Variants in HEXIM1 observed in about 807,000 individuals in gnomAD.
HEXIM1 encodes HEXIM P-TEFb complex subunit 1.
In HEXIM1, 1 loss-of-function variant was observed where a neutral mutation model predicts 30.3. The observed-to-expected ratio is 0.03, with a 90% CI of 0.01 to 0.16. The LOEUF (loss-of-function observed/expected upper bound fraction) is 0.16, where lower values mean the gene tolerates loss of function less well. Among genes scored for constraint, HEXIM1 ranks in the 10% least tolerant of loss-of-function variants. The pLI, the probability that HEXIM1 is intolerant of heterozygous loss-of-function variation, is 1.00. For missense variants in HEXIM1, 391 were observed against 476.4 expected (o/e 0.82, Z 1.67); for synonymous variants, 245 against 208.3 (o/e 1.18, Z -1.52).
chr17:45,149,934 G>A lies in HEXIM1; in HGVS notation c.744G>A (p.Glu248=). 3 of 1,613,928 alleles carry A rather than the reference G, an allele frequency of 1.9e-6. No individual in the cohort carries two copies. The highest frequency in any genetic ancestry group is 1.6e-4 in the Middle Eastern group (1 of 6,062). ...ACTTCATGGAAGAAGGGGGTGAGGA[G>A]GATGGGGGCAGCGATGGGATGGGAG... ...DDDFMEEGGE[E]DGGSDGMGGD... The change falls in exon 1 of 1, where the codon GAG becomes GAA. Residue 248 remains glutamate, a synonymous_variant. Transcript: ENST00000332499. This position sits in a 1 kb window ranked among gnomAD's most constrained non-coding sequence, Gnocchi z 5.3.
Position 45,149,178 on chromosome 17 carries a change from G to A in HEXIM1, c.-13G>A. On this transcript the variant is annotated 5_prime_UTR_variant, in exon 1 of 1. Transcript: ENST00000332499. The surrounding 1 kb of genome is among the most constrained non-coding windows in gnomAD (Gnocchi z 5.3). ...TAGCCAAAATTTCTTAAACTTCGAGGACTCTACTAGCCATGGCCGAGCCAT... is the reference window on the plus strand; with the variant it reads ...TAGCCAAAATTTCTTAAACTTCGAGAACTCTACTAGCCATGGCCGAGCCAT... The A allele has an allele frequency of 6.4e-7, 1 of 1,561,756 alleles. No individual in the cohort carries two copies. Among genetic ancestry groups the A allele is most frequent in the South Asian group, 1.2e-5 (1 of 85,600 alleles).
Position 45,150,475 on chromosome 17 carries a change from GCTTTT to G in HEXIM1, c.*209_*213del. 1.8e-6 allele frequency: 1 copy of G among 548,226 alleles called. No individual in the cohort carries two copies. Among genetic ancestry groups the G allele is most frequent in the Non-Finnish European group, 3.2e-6 (1 of 315,904 alleles). The allele number at this position is 548,226 out of a possible 1,614,324, so 34.0% of individuals were successfully genotyped here. On this transcript the variant is annotated 3_prime_UTR_variant, in exon 1 of 1. Transcript: ENST00000332499. ...TTTAATTATGTGAAACTGAAGAGTTGCTTTTCTTGTTTTCCTTTTTAGAAGTTTTT... is the reference window on the plus strand; with the variant it reads ...TTTAATTATGTGAAACTGAAGAGTTGCTTGTTTTCCTTTTTAGAAGTTTTT...
rs578234294 is a variant in HEXIM1 at position 45,148,849 on chromosome 17, C to A, written c.-342C>A. 3 of 427,834 alleles carry A rather than the reference C, an allele frequency of 7.0e-6. No homozygotes were observed. Among genetic ancestry groups the A allele is most frequent in the African/African-American group, 2.0e-5 (1 of 48,930 alleles). The allele number at this position is 427,834 out of a possible 1,614,324, so 26.5% of individuals were successfully genotyped here. A position where few individuals can be genotyped will look rare whatever the true frequency, so the allele number is the denominator to read the frequency against. On this transcript the variant is annotated 5_prime_UTR_variant, in exon 1 of 1. Transcript: ENST00000332499. ...GGCTGGGTTTCACGCACTGGACTTA[C>A]CCTCATCACCTTGCTCACCAACTCC...
Position 45,149,416 on chromosome 17 carries a change from A to G in HEXIM1, c.226A>G (p.Thr76Ala). The G allele has an allele frequency of 6.2e-7, 1 of 1,613,202 alleles. No individual in the cohort carries two copies. The highest frequency in any genetic ancestry group is 1.3e-5 in the African/African-American group (1 of 75,026). Residue 76 changes from threonine to alanine, a missense_variant, in exon 1 of 1, where the codon ACC (threonine) becomes GCC (alanine). Physicochemically the swap from Thr to Ala is moderately conservative, Grantham distance 58. This residue lies in a region of HEXIM1 where 230 missense variants were observed against 199.4 expected (regional missense o/e 1.15). Coordinates refer to ENST00000332499, the MANE Select transcript of HEXIM1 (RefSeq NM_006460.3). The surrounding 1 kb of genome is among the most constrained non-coding windows in gnomAD (Gnocchi z 5.3). ...GGAATCCCAACCACCTCCCTTGCAG[A>G]CCCAGGCCTGTCCAGAATCTAGCTG... ...SLESQPPPLQ[T>A]QACPESSCLR...
rs1396985950 is a variant in HEXIM1, at chr17:45,149,661, G to C, written c.471G>C (p.Pro157=). The C allele has an allele frequency of 1.2e-6, 2 of 1,612,394 alleles. No individual in the cohort carries two copies. Among genetic ancestry groups the C allele is most frequent in the Admixed American group, 1.7e-5 (1 of 60,000 alleles). Residue 157 remains proline, a synonymous_variant, in exon 1 of 1, where the codon CCG becomes CCC. Coordinates refer to ENST00000332499, the MANE Select transcript of HEXIM1 (RefSeq NM_006460.3). This position sits in a 1 kb window ranked among gnomAD's most constrained non-coding sequence, Gnocchi z 5.3. ...QLGKKKHRRR[P]SKKKRHWKPY... ...GGAAGAAAAAACATAGGAGACGCCC[G>C]TCCAAGAAGAAGCGGCATTGGAAAC...
In HEXIM1 at chr17:45,151,352, T is replaced by C. The variant is rs1163411227; in HGVS notation, c.*1082T>C. ...CTTTCCATGTGGGTCAAACTAAAAT[T>C]AGAAATGTCCCCTCACTGCAGATCA... is the stretch of plus-strand genomic sequence containing the variant. On this transcript the variant is annotated 3_prime_UTR_variant, in exon 1 of 1. Transcript: ENST00000332499. The C allele has an allele frequency of 2.4e-5, 4 of 166,692 alleles. No homozygotes were observed. Among genetic ancestry groups the C allele is most frequent in the Non-Finnish European group, 5.9e-5 (4 of 68,060 alleles). The allele number at this position is 166,692 out of a possible 1,614,324, so 10.3% of individuals were successfully genotyped here.
Position 45,149,255 on chromosome 17 carries a change from C to T in HEXIM1, c.65C>T (p.Ala22Val), listed in dbSNP as rs140416514. Residue 22 changes from alanine (A) to valine (V), a missense_variant, in exon 1 of 1, where the codon GCT becomes GTT. This residue lies in a region of HEXIM1 where 230 missense variants were observed against 199.4 expected (regional missense o/e 1.15). Transcript: ENST00000332499. This position sits in a 1 kb window ranked among gnomAD's most constrained non-coding sequence, Gnocchi z 5.3. ...QPQTSNCTGA[A>V]AVQEELNPER... ...CAAACTAGCAACTGTACAGGTGCTG[C>T]TGCTGTCCAGGAAGAGCTGAACCCT... 3.5e-4 allele frequency: 566 copies of T among 1,613,904 alleles called. 3 individuals carry two copies. In the African/African-American group the frequency reaches 6.6e-3, roughly 19 times the overall value.
At position 45,149,298 on chromosome 17, in the gene HEXIM1, G is replaced by C. The variant is rs147398972; in HGVS notation, c.108G>C (p.Ala36=). ...TGAACCCTGAGCGCCCCCCAGGCGC[G>C]GAGGAGCGGGTGCCCGAGGAGGACA... ...EELNPERPPG[A]EERVPEEDSR... is the part of the protein sequence containing the mutation. The change falls in exon 1 of 1, where the codon GCG becomes GCC. Residue 36 remains alanine, a synonymous_variant. Coordinates refer to ENST00000332499, the MANE Select transcript of HEXIM1 (RefSeq NM_006460.3). The surrounding 1 kb of genome is among the most constrained non-coding windows in gnomAD (Gnocchi z 5.3). The C allele has an allele frequency of 2.0e-3, 3,238 of 1,613,758 alleles. 10 individuals are homozygous for C. The highest frequency in any genetic ancestry group is 2.5e-3 in the Non-Finnish European group (2,906 of 1,180,014).
chr17:45,149,104 T>TTC lies in HEXIM1; in HGVS notation c.-87_-86insTC, dbSNP rs2055526010. 7.9e-7 allele frequency: 1 copy of TTC among 1,258,824 alleles called. No homozygotes were observed. Among genetic ancestry groups the TTC allele is most frequent in the Non-Finnish European group, 1.1e-6 (1 of 930,244 alleles). 78.0% of individuals were successfully genotyped at this position (1,258,824 alleles called of 1,614,324 possible). On this transcript the variant is annotated 5_prime_UTR_variant, in exon 1 of 1. Coordinates refer to ENST00000332499, the MANE Select transcript of HEXIM1 (RefSeq NM_006460.3). This position sits in a 1 kb window ranked among gnomAD's most constrained non-coding sequence, Gnocchi z 5.3. ...GGACTCTGTTGGACTGTTTTTTTTT[T>TTC]CTTTTTCTTTTTTTTAAGAAAAACC...
In HEXIM1 at chr17:45,150,962, GA is replaced by G. The variant is rs1351998054; in HGVS notation, c.*695del. 1.2e-5 allele frequency: 2 copies of G among 167,026 alleles called. No homozygotes were observed. The highest frequency in any genetic ancestry group is 1.5e-5 in the Non-Finnish European group (1 of 68,112). 10.3% of individuals were successfully genotyped at this position (167,026 alleles called of 1,614,324 possible). A position where few individuals can be genotyped will look rare whatever the true frequency, so the allele number is the denominator to read the frequency against. ...CCGGTATTGAGTGTTTAGGCGAGTGGAAAGTGGCTACAATCCAAAATTTTAA... is the reference window on the plus strand; with the variant it reads ...CCGGTATTGAGTGTTTAGGCGAGTGGAAGTGGCTACAATCCAAAATTTTAA... On this transcript the variant is annotated 3_prime_UTR_variant, in exon 1 of 1. Transcript: ENST00000332499.
At position 45,150,195 on chromosome 17, in the gene HEXIM1, G is replaced by C. The variant is rs1047809248; in HGVS notation, c.1005G>C (p.Glu335Asp). Reference sequence around the variant, plus strand: ...TGGAGCTGGACCGGCTGCGCGCCGAGAACCTCCAGCTGCTGACCGAGAACG... The same window carrying C: ...TGGAGCTGGACCGGCTGCGCGCCGACAACCTCCAGCTGCTGACCGAGAACG... ...LELELDRLRAENLQLLTENEL... is the reference protein window; with the variant it reads ...LELELDRLRADNLQLLTENEL... The change falls in exon 1 of 1, where the codon GAG (glutamate) becomes GAC (aspartate). Residue 335 changes from glutamate (E) to aspartate (D), a missense_variant. By Grantham distance (45) the Glu-to-Asp change is conservative (BLOSUM62 2). Coordinates refer to ENST00000332499, the MANE Select transcript of HEXIM1 (RefSeq NM_006460.3). The C allele has an allele frequency of 1.2e-6, 2 of 1,612,834 alleles. No homozygotes were observed.
chr17:45,149,600 G>T lies in HEXIM1; in HGVS notation c.410G>T (p.Gly137Val). 1 of 1,612,180 alleles carries T rather than the reference G, an allele frequency of 6.2e-7. No individual in the cohort carries two copies. The highest frequency in any genetic ancestry group is 8.5e-7 in the Non-Finnish European group (1 of 1,179,352). Reference protein sequence around the residue: ...ASKLGAPAAGGEEEWGQQQRQ... With the variant: ...ASKLGAPAAGVEEEWGQQQRQ... ...AAGTTGGGGGCTCCTGCCGCAGGGG[G>T]CGAAGAGGAGTGGGGACAGCAGCAG... The change falls in exon 1 of 1, where the codon GGC becomes GTC. Residue 137 changes from glycine to valine, a missense_variant. Physicochemically the swap from Gly to Val is moderately radical, Grantham distance 109 (BLOSUM62 -3). Around this residue, in one of 5 missense-constraint regions of HEXIM1, gnomAD observed 230 missense variants for 199.4 expected, o/e 1.15. Coordinates refer to ENST00000332499, the MANE Select transcript of HEXIM1 (RefSeq NM_006460.3). This position sits in a 1 kb window ranked among gnomAD's most constrained non-coding sequence, Gnocchi z 5.3.
At position 45,148,825 on chromosome 17, in the gene HEXIM1, GC is replaced by G. The variant is rs1046810339; in HGVS notation, c.-365del. ...CATCGGTAGTTTTAACCCCTTCGGG[GC>G]TGGGTTTCACGCACTGGACTTACCC... On this transcript the variant is annotated 5_prime_UTR_variant, in exon 1 of 1. Coordinates refer to ENST00000332499, the MANE Select transcript of HEXIM1 (RefSeq NM_006460.3). 2.0e-5 allele frequency: 8 copies of G among 405,454 alleles called. No individual in the cohort carries two copies. Among genetic ancestry groups the G allele is most frequent in the Non-Finnish European group, 3.5e-5 (8 of 229,964 alleles). The allele number at this position is 405,454 out of a possible 1,614,324, so 25.1% of individuals were successfully genotyped here.
Position 45,148,555 on chromosome 17 carries a change from G to C in HEXIM1, c.-636G>C. On this transcript the variant is annotated 5_prime_UTR_variant, in exon 1 of 1. Coordinates refer to ENST00000332499, the MANE Select transcript of HEXIM1 (RefSeq NM_006460.3). ...ACGCGGAAGAGGAGCTGTGGGAAGG[G>C]GGAGGAGGGAGGGAGGAAAAGAGGA... 5.0e-6 allele frequency: 2 copies of C among 399,900 alleles called. No homozygotes were observed. The highest frequency in any genetic ancestry group is 3.6e-5 in the East Asian group (1 of 28,102). 24.8% of individuals were successfully genotyped at this position (399,900 alleles called of 1,614,324 possible). A position where few individuals can be genotyped will look rare whatever the true frequency, so the allele number is the denominator to read the frequency against.
chr17:45,151,626 T>G lies in HEXIM1; in HGVS notation c.*1356T>G, dbSNP rs539834194. ...CAGTCCTTCACCTGCCCTGTGTCAG[T>G]GTCTTCTGAGGGCAATTGCGTTGCT... On this transcript the variant is annotated 3_prime_UTR_variant, in exon 1 of 1. Transcript: ENST00000332499. 1.2e-5 allele frequency: 2 copies of G among 167,238 alleles called. No individual in the cohort carries two copies. Among genetic ancestry groups the G allele is most frequent in the South Asian group, 4.1e-4 (2 of 4,832 alleles). 10.4% of individuals were successfully genotyped at this position (167,238 alleles called of 1,614,324 possible). A position where few individuals can be genotyped will look rare whatever the true frequency, so the allele number is the denominator to read the frequency against.
Position 45,150,124 on chromosome 17 carries a change from A to G in HEXIM1, c.934A>G (p.Ser312Gly). 6.8e-6 allele frequency: 11 copies of G among 1,613,656 alleles called. No homozygotes were observed. The highest frequency in any genetic ancestry group is 9.3e-6 in the Non-Finnish European group (11 of 1,180,016). ...EDENNRLRLE[S>G]KRLGGDDARV... is the part of the protein sequence containing the mutation. ...CGAGAACAACCGGCTGCGGCTGGAG[A>G]GCAAGCGGCTGGGTGGCGACGACGC... The change falls in exon 1 of 1, where the codon AGC becomes GGC. Residue 312 changes from serine (S) to glycine (G), a missense_variant. Physicochemically the swap from Ser to Gly is moderately conservative, Grantham distance 56. Transcript: ENST00000332499.
In HEXIM1 at chr17:45,150,229, C is replaced by G. The variant is rs368302641; in HGVS notation, c.1039C>G (p.Arg347Gly). The change falls in exon 1 of 1, where the codon CGG becomes GGG. Residue 347 changes from arginine (R) to glycine (G), a missense_variant. Physicochemically the swap from Arg to Gly is moderately radical, Grantham distance 125. This residue lies in a region of HEXIM1 where 73 missense variants were observed against 80.9 expected (regional missense o/e 0.90). Coordinates refer to ENST00000332499, the MANE Select transcript of HEXIM1 (RefSeq NM_006460.3). ...LQLLTENELH[R>G]QQERAPLSKF... ...GCTGCTGACCGAGAACGAACTGCACCGGCAGCAGGAGCGAGCGCCGCTTTC... is the reference window on the plus strand; with the variant it reads ...GCTGCTGACCGAGAACGAACTGCACGGGCAGCAGGAGCGAGCGCCGCTTTC... 6.2e-7 allele frequency: 1 copy of G among 1,610,374 alleles called. No homozygotes were observed. The highest frequency in any genetic ancestry group is 8.5e-7 in the Non-Finnish European group (1 of 1,177,830).
chr17:45,149,109 T>G lies in HEXIM1; in HGVS notation c.-82T>G. ...CTGTTGGACTGTTTTTTTTTTCTTT[T>G]TCTTTTTTTTAAGAAAAACCCATTT... On this transcript the variant is annotated 5_prime_UTR_variant, in exon 1 of 1. Coordinates refer to ENST00000332499, the MANE Select transcript of HEXIM1 (RefSeq NM_006460.3). The surrounding 1 kb of genome is among the most constrained non-coding windows in gnomAD (Gnocchi z 5.3). The G allele has an allele frequency of 7.9e-7, 1 of 1,272,610 alleles. No homozygotes were observed. Among genetic ancestry groups the G allele is most frequent in the Non-Finnish European group, 1.1e-6 (1 of 940,002 alleles). 78.8% of individuals were successfully genotyped at this position (1,272,610 alleles called of 1,614,324 possible).
Position 45,150,517 on chromosome 17 carries a change from G to T in HEXIM1, c.*247G>T. 2.1e-6 allele frequency: 1 copy of T among 485,676 alleles called. No homozygotes were observed. The highest frequency in any genetic ancestry group is 2.0e-5 in the African/African-American group (1 of 50,502). 30.1% of individuals were successfully genotyped at this position (485,676 alleles called of 1,614,324 possible). ...TTTTAGAAGTTTTTTTCCTTAATGTGAAAGTAATTTGACCAAGTTATAATG... is the reference window on the plus strand; with the variant it reads ...TTTTAGAAGTTTTTTTCCTTAATGTTAAAGTAATTTGACCAAGTTATAATG... On this transcript the variant is annotated 3_prime_UTR_variant, in exon 1 of 1. Coordinates refer to ENST00000332499, the MANE Select transcript of HEXIM1 (RefSeq NM_006460.3).
Sources: gnomAD v4.1 joint callset for allele counts on GRCh38, gnomAD v4.1.1 for gene constraint, gnomAD v4.1.1 regional missense constraint, Gnocchi (gnomAD v3.1) non-coding constraint, MANE v1.5 for transcripts, NCBI Gene and HGNC (gene_info 2026-07-23, HGNC 2026-07-21) for gene names.